DPH6: variants seen among roughly 807,000 people sequenced by gnomAD.
DPH6 encodes the protein diphthamine biosynthesis 6.
DPH6 carries 33 observed loss-of-function variants against 38.2 expected under a neutral mutation model. The ratio of observed to expected loss-of-function variants is 0.86; its 90% CI spans 0.65 to 1.15. The LOEUF is 1.15. Ranked by LOEUF, DPH6 falls within the 50% of genes most tolerant of loss-of-function variation. The pLI is 0.00. For missense variants in DPH6, 325 were observed against 320.0 expected, an observed-to-expected ratio of 1.02 and a Z score of -0.12; for synonymous variants, 108 against 103.0, an observed-to-expected ratio of 1.05 and a Z score of -0.30.
rs544857697 is a variant in DPH6 at position 35,461,616 on chromosome 15, G to A, written c.313-6796C>T. Among the ~76,000 whole-genome samples the A allele has an allele frequency of 2.0e-5, 3 of 151,092 alleles. No homozygotes were observed. In the East Asian group the frequency reaches 5.8e-4, roughly 29 times the overall value. On this transcript the variant is annotated intron_variant, in intron 3 of 8. Coordinates refer to ENST00000256538, the MANE Select transcript of DPH6 (RefSeq NM_080650.4). ...TTTTTTTTAAGGAAAGAAGGACCAA[G>A]TCTTCTTTTGGAAGTATACATGGCA...
At chr15:35,149,560 T>C in the DPH6 span, among the ~76,000 whole-genome samples, 1 of 152,166 alleles carries the variant, frequency 6.6e-6, no homozygotes, top group Non-Finnish European at 1.5e-5. Flanking sequence ...TTAGTCAAGC[T>C]ACTTACAGAC....
intron 6 of DPH6, among the ~76,000 whole-genome samples, chr15:35,393,781 T>A (rs2053090908): frequency 6.6e-6 from 1 of 152,084 alleles, no homozygotes; most frequent in South Asian, 2.1e-4. Context: ...TAGTTTGGGG[T>A]AGTGTCCTGA....
intron 3 of DPH6, among the ~76,000 whole-genome samples, chr15:35,363,813 C>T (rs1566881313): frequency 1.3e-5 from 2 of 151,464 alleles, no homozygotes; most frequent in Non-Finnish European, 3.0e-5. Flanking sequence ...TAGTGGTTAT[C>T]CTAGAATTTA....
intron 3 of DPH6, among the ~76,000 whole-genome samples, chr15:35,462,053 A>G (rs1341384575): frequency 1.3e-5 from 2 of 152,176 alleles, no homozygotes; most frequent in Non-Finnish European, 2.9e-5. Flanking sequence ...CAAAAACTTT[A>G]GATTCACTCA....
the DPH6 span, among the ~76,000 whole-genome samples, chr15:35,187,805 G>A: frequency 6.6e-6 from 1 of 151,998 alleles, no homozygotes; most frequent in African/African-American, 2.4e-5. Flanking sequence ...TGCCAACATA[G>A]AGAGACCCTG....
intron 3 of DPH6, among the ~76,000 whole-genome samples, chr15:35,263,773 G>A (rs531915923): frequency 3.3e-5 from 5 of 151,786 alleles, no homozygotes; most frequent in African/African-American, 1.2e-4. Flanking sequence ...GTGCAGTGGA[G>A]CGATCTCTGC....
the DPH6 span, among the ~76,000 whole-genome samples, chr15:35,200,558 C>T: frequency 6.6e-6 from 1 of 151,592 alleles, no homozygotes; most frequent in Admixed American, 6.6e-5. Context: ...TACTGCATGC[C>T]TACTATGTGT....
chr15:35,431,293 T>C (rs1387781386), intron 5 of DPH6, among the ~76,000 whole-genome samples: 1 of 152,238 alleles, frequency 6.6e-6, no homozygotes, highest in African/African-American at 2.4e-5. Context: ...CAAGAAACTT[T>C]TGTACCTATG....
chr15:35,244,294 G>GTC (rs1188152565), intron 3 of DPH6, among the ~76,000 whole-genome samples: 1 of 152,138 alleles, frequency 6.6e-6, no homozygotes, highest in Non-Finnish European at 1.5e-5. Context: ...CTGGGAACTG[G>GTC]AAGAGTTCCT....
At chr15:35,241,001 G>A (rs191367946) in intron 3 of DPH6, among the ~76,000 whole-genome samples, 4,702 of 138,454 alleles carry the variant, frequency 0.034, 633 homozygotes, top group Middle Eastern at 0.062. Flanking sequence ...GAACCGCAGC[G>A]GCCAGGTGTT....
At chr15:35,357,895 T>C (rs145357949) in intron 3 of DPH6, among the ~76,000 whole-genome samples, 1 of 151,954 alleles carries the variant, frequency 6.6e-6, no homozygotes, top group Non-Finnish European at 1.5e-5. Context: ...ATTTCCCAGG[T>C]GTTCTTTGTG....
In DPH6 at chr15:35,402,885, T is replaced by C. The variant is rs1345619515; in HGVS notation, c.567+7950A>G. Among the ~76,000 whole-genome samples the C allele has an allele frequency of 2.0e-5, 3 of 152,188 alleles. No homozygotes were observed. The South Asian group carries it at 6.2e-4, about 31-fold the overall frequency. ...AAAAACCAATCTTTCCAACAACAGA[T>C]AACTTATAATATCTTATATAATTAT... On this transcript the variant is annotated intron_variant, in intron 6 of 8. Coordinates refer to ENST00000256538, the MANE Select transcript of DPH6 (RefSeq NM_080650.4).
intron 5 of DPH6, among the ~76,000 whole-genome samples, chr15:35,446,974 T>A (rs2053862394): frequency 6.6e-6 from 1 of 151,922 alleles, no homozygotes; most frequent in Non-Finnish European, 1.5e-5. Flanking sequence ...GTTCATGCCA[T>A]TCTCCTGCCT....
chr15:35,174,660 C>G, the DPH6 span, among the ~76,000 whole-genome samples: 1 of 152,176 alleles, frequency 6.6e-6, no homozygotes, highest in Non-Finnish European at 1.5e-5. Flanking sequence ...AAGTAAAAAT[C>G]TAGAAGACAC....
chr15:35,337,651 T>C (rs2052384260), intron 3 of DPH6, among the ~76,000 whole-genome samples: 4 of 152,132 alleles, frequency 2.6e-5, no homozygotes, highest in East Asian at 3.9e-4. Flanking sequence ...AAGCTACCAA[T>C]GACTTTCTTC....
At chr15:35,445,383 A>G (rs1490058705) in intron 5 of DPH6, among the ~76,000 whole-genome samples, 1 of 117,606 alleles carries the variant, frequency 8.5e-6, no homozygotes, top group Non-Finnish European at 1.8e-5. Context: ...GTAATAGTCA[A>G]ATCATCATCA....
chr15:35,177,025 G>A, the DPH6 span, among the ~76,000 whole-genome samples: 3 of 152,146 alleles, frequency 2.0e-5, no homozygotes, highest in Non-Finnish European at 1.5e-5. Flanking sequence ...AGAATTGATT[G>A]TATTTGTATT....
chr15:35,348,320 T>G (rs1182866463), intron 3 of DPH6, among the ~76,000 whole-genome samples: 1 of 152,206 alleles, frequency 6.6e-6, no homozygotes, highest in Non-Finnish European at 1.5e-5. Context: ...TTTAATTACT[T>G]TTTGTATATG....
chr15:35,294,516 T>G (rs2052001755), intron 3 of DPH6, among the ~76,000 whole-genome samples: 1 of 152,194 alleles, frequency 6.6e-6, no homozygotes, highest in African/African-American at 2.4e-5. Flanking sequence ...AACTTCAACT[T>G]CAACAGTACC....
Sources: allele counts gnomAD v4.1 joint callset (sites outside exome capture counted in the v4.1 genomes callset), GRCh38; gene constraint gnomAD v4.1.1; transcripts MANE v1.5; gene names NCBI Gene and HGNC (gene_info 2026-07-23, HGNC 2026-07-21).